The following MPP7 variants were observed in gnomAD, a reference collection of about 807,000 sequenced individuals.
MPP7 encodes the protein MAGUK p55 subfamily member 7.
A neutral mutation model predicts 76.5 loss-of-function variants in MPP7; 60 were observed. That is an observed-to-expected ratio of 0.78 (90% CI 0.64 to 0.97). The LOEUF (loss-of-function observed/expected upper bound fraction) is 0.97, where lower values mean the gene tolerates loss of function less well. Ranked by LOEUF, MPP7 falls within the 50% of genes least tolerant of loss-of-function variation. The probability of loss-of-function intolerance (pLI) is 0.00; values close to 1 mark genes in which losing one functional copy is unlikely to be tolerated. For missense variants in MPP7, 641 were observed against 694.0 expected (o/e 0.92, Z 0.86); for synonymous variants, 237 against 244.5 (o/e 0.97, Z 0.29).
At chr10:28,237,813 T>A (rs1335265836) in intron 2 of MPP7, among the ~76,000 whole-genome samples, 1 of 152,178 alleles carries the variant, frequency 6.6e-6, no homozygotes, top group Admixed American at 6.5e-5. Context: ...CAACCCCATT[T>A]ACATTTTGTT....
At chr10:28,261,897 C>T (rs549779954) in intron 1 of MPP7, among the ~76,000 whole-genome samples, 3 of 151,628 alleles carry the variant, frequency 2.0e-5, no homozygotes, top group Admixed American at 2.0e-4. Flanking sequence ...CACCTGTAAT[C>T]CCAGCACTTT....
At chr10:28,130,364 G>A (rs980519391) in intron 6 of MPP7, among the ~76,000 whole-genome samples, 1 of 152,058 alleles carries the variant, frequency 6.6e-6, no homozygotes, top group Non-Finnish European at 1.5e-5. Context: ...AAAGTGACAG[G>A]ATCCCAACTC....
chr10:28,306,668 T>TAGAGAGAGAGAGAGAGAG (rs55731439), upstream of MPP7, among the ~76,000 whole-genome samples: 557 of 148,490 alleles, frequency 3.8e-3, 2 homozygotes, highest in African/African-American at 0.011. Context: ...GATAGATAGA[T>TAGAGAGAGAGAGAGAGAG]AGAGAGAGAG....
chr10:28,215,316 T>C (rs181156500), intron 2 of MPP7, among the ~76,000 whole-genome samples: 81 of 151,686 alleles, frequency 5.3e-4, no homozygotes, highest in Admixed American at 1.5e-3. Context: ...AGGGAACCCA[T>C]TGGGCGGTTA....
At chr10:28,275,215 C>G (rs1242622183) in intron 1 of MPP7, among the ~76,000 whole-genome samples, 3 of 152,130 alleles carry the variant, frequency 2.0e-5, no homozygotes, top group Non-Finnish European at 2.9e-5. Context: ...TCAAACACAA[C>G]ATGTTTGAAA....
At chr10:28,321,812 C>T (rs920059991) in intron 2 of MPP7, among the ~76,000 whole-genome samples, 2 of 152,260 alleles carry the variant, frequency 1.3e-5, no homozygotes, top group Middle Eastern at 6.8e-3. Flanking sequence ...TCTCGAACTC[C>T]TGGCCTCAGG....
intron 13 of MPP7, among the ~76,000 whole-genome samples, chr10:28,066,079 C>A (rs1851978309): frequency 6.6e-6 from 1 of 152,062 alleles, no homozygotes; most frequent in Admixed American, 6.5e-5. Context: ...GAGGAAATTT[C>A]CCACAGGCTG....
At chr10:28,193,004 T>C (rs746114502) in intron 3 of MPP7, among the ~76,000 whole-genome samples, 8 of 152,158 alleles carry the variant, frequency 5.3e-5, no homozygotes, top group Non-Finnish European at 1.0e-4. Context: ...GGCAATTCAA[T>C]AGAAAAAGAA....
intron 11 of MPP7, among the ~76,000 whole-genome samples, chr10:28,109,848 C>CAAAAAA (rs869206744): frequency 0.018 from 346 of 19,146 alleles, 74 homozygotes; most frequent in Non-Finnish European, 0.021. Context: ...GCCGCAGACG[C>CAAAAAA]AAAAAAAAAA....
chr10:28,293,022 C>T (rs910461085), intron 1 of MPP7, among the ~76,000 whole-genome samples: 8 of 146,700 alleles, frequency 5.5e-5, no homozygotes, highest in African/African-American at 2.0e-4. Context: ...AGAAATATTT[C>T]CTACACAAGA....
At chr10:28,110,129 T>C (rs1233641194) in intron 11 of MPP7, among the ~76,000 whole-genome samples, 1 of 151,828 alleles carries the variant, frequency 6.6e-6, no homozygotes, top group East Asian at 1.9e-4. Flanking sequence ...CTCACTCTTT[T>C]GCCCAGGATG....
rs144791081 is a variant in MPP7, at chr10:28,118,370, A to G, written c.952+1281T>C. The G allele has an allele frequency of 2.3e-4, 221 of 978,982 alleles. 1 individual carries two copies. The African/African-American group carries it at 2.8e-3, about 12-fold the overall frequency. 60.6% of individuals were successfully genotyped at this position (978,982 alleles called of 1,614,324 possible). On this transcript the variant is annotated intron_variant, in intron 11 of 16. Coordinates refer to ENST00000683449, the MANE Select transcript of MPP7 (RefSeq NM_001318170.2). ...CAAACTGTACATTTCTAAGTTGCCT[A>G]GGACTGAAAAAGAGTTGAGTATGGA... is the stretch of plus-strand genomic sequence containing the variant.
At chr10:28,112,440 CA>C (rs1413499444) in intron 11 of MPP7, among the ~76,000 whole-genome samples, 1 of 152,030 alleles carries the variant, frequency 6.6e-6, no homozygotes, top group Non-Finnish European at 1.5e-5. Flanking sequence ...TGCCAATCCA[CA>C]AAAAAATCTG....
intron 1 of MPP7, among the ~76,000 whole-genome samples, chr10:28,278,635 G>T (rs997017363): frequency 1.3e-5 from 2 of 151,868 alleles, no homozygotes; most frequent in Non-Finnish European, 2.9e-5. Context: ...TTATGTTAAT[G>T]AACATGTAAC....
chr10:28,060,647 C>CT (rs1851744091), intron 13 of MPP7, among the ~76,000 whole-genome samples: 1 of 152,174 alleles, frequency 6.6e-6, no homozygotes, highest in Admixed American at 6.5e-5. Context: ...AAGAGAAGCC[C>CT]TAACGTTCTG....
At chr10:28,217,332 C>G (rs961130061) in intron 2 of MPP7, among the ~76,000 whole-genome samples, 1 of 151,890 alleles carries the variant, frequency 6.6e-6, no homozygotes, top group African/African-American at 2.4e-5. Context: ...ATCTTCAGAC[C>G]AGCCTGGGCA....
rs112092855 is a variant in MPP7 at position 28,228,183 on chromosome 10, A to G, written c.37+10385T>C. Reference sequence around the variant, plus strand: ...CCACAAGGAAATATATGAATTACCAAGAAGAAAAAAATGTTAACATGAGAT... The same window carrying G: ...CCACAAGGAAATATATGAATTACCAGGAAGAAAAAAATGTTAACATGAGAT... On this transcript the variant is annotated intron_variant, in intron 2 of 16. Coordinates refer to ENST00000683449, the MANE Select transcript of MPP7 (RefSeq NM_001318170.2). 4.5e-3 allele frequency among the ~76,000 whole-genome samples: 679 copies of G among 152,348 alleles called. 7 individuals carry two copies. The highest frequency in any genetic ancestry group is 0.015 in the African/African-American group (640 of 41,584).
chr10:28,327,231 T>TAA (rs59442840), intron 2 of MPP7, among the ~76,000 whole-genome samples: 1,139 of 95,682 alleles, frequency 0.012, 25 homozygotes, highest in African/African-American at 0.035. Context: ...GTCAAAGAAG[T>TAA]AAAAAAAAAA....
At chr10:28,075,207 G>A (rs187439898) in intron 12 of MPP7, among the ~76,000 whole-genome samples, 2 of 152,006 alleles carry the variant, frequency 1.3e-5, no homozygotes, top group South Asian at 2.1e-4. Context: ...TAATCTAATC[G>A]CTTCCCACCA....
Sources: gnomAD v4.1 joint callset for allele counts (sites outside exome capture counted in the v4.1 genomes callset) on GRCh38, gnomAD v4.1.1 for gene constraint, MANE v1.5 for transcripts, NCBI Gene and HGNC (gene_info 2026-07-23, HGNC 2026-07-21) for gene names.